The following CLCNKB variants were observed in gnomAD, a reference collection of about 807,000 sequenced individuals.
CLCNKB encodes chloride voltage-gated channel Kb.
Under a neutral mutation model 83.8 loss-of-function variants are expected in CLCNKB, and 74 were observed. The observed-to-expected ratio is 0.88, with a 90% CI of 0.73 to 1.07. The LOEUF (loss-of-function observed/expected upper bound fraction) is 1.07, where lower values mean the gene tolerates loss of function less well. CLCNKB is among the 50% of genes least tolerant of loss of function. The probability of loss-of-function intolerance (pLI) is 0.00; values close to 1 mark genes in which losing one functional copy is unlikely to be tolerated. For synonymous variants in CLCNKB, 358 were observed against 356.6 expected (o/e 1.00, Z -0.04); for missense variants, 798 against 893.6 (o/e 0.89, Z 1.36).
chr1:16,047,606 T>C (rs758418404), intron 4 of CLCNKB, among the ~76,000 whole-genome samples: 1 of 152,008 alleles, frequency 6.6e-6, no homozygotes, highest in Non-Finnish European at 1.5e-5. Flanking sequence ...CTAGACTCCA[T>C]CTCTTTAGAA....
In CLCNKB at chr1:16,056,744, CA is replaced by C. The variant is rs2023455454; in HGVS notation, c.2017-123del. ...CTCGGCCTCAGTGATCCCATCTGTG[CA>C]ATGGGGTGGCACAGGCTCTACTATT... On this transcript the variant is annotated intron_variant, in intron 19 of 19. Coordinates refer to ENST00000375679, the MANE Select transcript of CLCNKB (RefSeq NM_000085.5). 8.2e-6 allele frequency: 8 copies of C among 980,566 alleles called. No homozygotes were observed. The Admixed American group carries it at 1.0e-4, about 12-fold the overall frequency. 60.7% of individuals were successfully genotyped at this position (980,566 alleles called of 1,614,324 possible). A position where few individuals can be genotyped will look rare whatever the true frequency, so the allele number is the denominator to read the frequency against.
Position 16,044,581 on chromosome 1 carries a change from G to C in CLCNKB, c.89G>C (p.Arg30Pro). The C allele has an allele frequency of 6.3e-7, 1 of 1,599,616 alleles. No homozygotes were observed. Among genetic ancestry groups the C allele is most frequent in the South Asian group, 1.1e-5 (1 of 87,832 alleles). ...TGGGGCCCCTGTCCCCGCATCCGCC[G>C]AGGCATCCGAGGTGAGAGCCAGGTC... Reference protein sequence around the residue: ...ELWGPCPRIRRGIRGGLEWLK... With the variant: ...ELWGPCPRIRPGIRGGLEWLK... The change falls in exon 2 of 20, where the codon CGA becomes CCA. Residue 30 changes from arginine to proline, a missense_variant. Physicochemically the swap from Arg to Pro is moderately radical, Grantham distance 103. Coordinates refer to ENST00000375679, the MANE Select transcript of CLCNKB (RefSeq NM_000085.5).
At chr1:16,046,485 C>T (rs763211059) in intron 3 of CLCNKB, 50 bp from the exon 4 acceptor site, 188 of 1,610,772 alleles carry the variant, frequency 1.2e-4, no homozygotes, top group African/African-American at 1.6e-4. Context: ...CGTCTGGCCC[C>T]GAGGGCTGCA....
chr1:16,048,593 T>A lies in CLCNKB; in HGVS notation c.655+11T>A. On this transcript the variant is annotated intron_variant, in intron 7 of 19. Transcript: ENST00000375679. Reference sequence around the variant, plus strand: ...CAGCTCCCTTCAGCGGTGAGACCCCTTCATGCCCCGCCCCCTGGGTCCCTC... The same window carrying A: ...CAGCTCCCTTCAGCGGTGAGACCCCATCATGCCCCGCCCCCTGGGTCCCTC... 1 of 1,613,052 alleles carries A rather than the reference T, an allele frequency of 6.2e-7. No individual in the cohort carries two copies. The highest frequency in any genetic ancestry group is 8.5e-7 in the Non-Finnish European group (1 of 1,179,504).
chr1:16,054,572 G>A (rs1359345560), intron 16 of CLCNKB, among the ~76,000 whole-genome samples: 1 of 152,174 alleles, frequency 6.6e-6, no homozygotes, highest in Non-Finnish European at 1.5e-5. Flanking sequence ...AGGATTGCCA[G>A]ACGTTCTCAC....
intron 18 of CLCNKB, 71 bp from the exon 19 acceptor site, chr1:16,056,351 G>C: frequency 6.8e-7 from 1 of 1,464,450 alleles, no homozygotes; most frequent in Non-Finnish European, 9.6e-7. Context: ...GCTCAGAGGC[G>C]TGGTGGAGTG....
At chr1:16,048,825 A>G (rs2023186779) in intron 7 of CLCNKB, 6 of 1,442,764 alleles carry the variant, frequency 4.2e-6, no homozygotes, top group Non-Finnish European at 5.4e-6. Context: ...TCCACGTATG[A>G]CCCTGGCCCG....
At chr1:16,055,306 A>G (rs543434911) in intron 16 of CLCNKB, 129 bp from the exon 17 acceptor site, 4 of 792,692 alleles carry the variant, frequency 5.0e-6, no homozygotes, top group Non-Finnish European at 8.7e-6. Flanking sequence ...GTCCTTTATA[A>G]TGGGTGACAA....
At position 16,051,833 on chromosome 1, in the gene CLCNKB, G is replaced by A. The variant is rs375029488; in HGVS notation, c.1408+13G>A. ...TATGCTCTGGCAGGTGAGTGGGTCA[G>A]GGGCCTGCTGCGTGGGCAATGTCGT... On this transcript the variant is annotated intron_variant, in intron 14 of 19. Coordinates refer to ENST00000375679, the MANE Select transcript of CLCNKB (RefSeq NM_000085.5). 1.3e-6 allele frequency: 2 copies of A among 1,596,970 alleles called. No homozygotes were observed.
In CLCNKB at chr1:16,052,426, C is replaced by A. The variant is rs765041054; in HGVS notation, c.1622+15C>A. 13 of 1,611,454 alleles carry A rather than the reference C, an allele frequency of 8.1e-6. No individual in the cohort carries two copies. In the South Asian group the frequency reaches 1.3e-4, roughly 16 times the overall value. ...CGCAACATCGGGTGAGTGGTGCCCA[C>A]CTCAGGCTGACTGAAGGGGGTCACA... is the stretch of plus-strand genomic sequence containing the variant. On this transcript the variant is annotated intron_variant, in intron 15 of 19. Coordinates refer to ENST00000375679, the MANE Select transcript of CLCNKB (RefSeq NM_000085.5).
rs1433595236 is a variant in CLCNKB, at chr1:16,048,016, G to C, written c.470G>C (p.Cys157Ser). Residue 157 changes from cysteine (C) to serine (S), a missense_variant, in exon 5 of 20, where the codon TGT (cysteine) becomes TCT (serine). Transcript: ENST00000375679. ...GTGGGCCTCTCCTGCACCCTGGCCT[G>C]TGGCAGCACCCTCTTCCTCGGGAAA... ...KVVGLSCTLA[C>S]GSTLFLGKVG... 1.9e-6 allele frequency: 3 copies of C among 1,614,018 alleles called. No individual in the cohort carries two copies. The highest frequency in any genetic ancestry group is 1.7e-5 in the Admixed American group (1 of 60,010).
rs766911328 is a variant in CLCNKB at position 16,053,714 on chromosome 1, G to A, written c.1698G>A (p.Glu566=). ...TTLAKDMPLE[E]VVKVVTSTDV... Reference sequence around the variant, plus strand: ...TGGCCAAGGACATGCCACTGGAGGAGGTGGTCAAGGTTGTGACCTCCACAG... The same window carrying A: ...TGGCCAAGGACATGCCACTGGAGGAAGTGGTCAAGGTTGTGACCTCCACAG... Residue 566 remains glutamate, a synonymous_variant, in exon 16 of 20, where the codon GAG becomes GAA. Coordinates refer to ENST00000375679, the MANE Select transcript of CLCNKB (RefSeq NM_000085.5). 1.7e-5 allele frequency: 28 copies of A among 1,613,958 alleles called. No individual in the cohort carries two copies. Among genetic ancestry groups the A allele is most frequent in the Middle Eastern group, 1.6e-4 (1 of 6,062 alleles).
intron 19 of CLCNKB, 24 bp downstream of exon 19, chr1:16,056,532 C>G: frequency 1.6e-6 from 2 of 1,274,186 alleles, no homozygotes; most frequent in Non-Finnish European, 1.1e-6. Context: ...GGGGGCAGAG[C>G]AAAGCAGGGA....
intron 11 of CLCNKB, 63 bp from the exon 12 acceptor site, chr1:16,050,812 G>A (rs569936954): frequency 7.0e-5 from 112 of 1,606,102 alleles, no homozygotes; most frequent in African/African-American, 2.3e-4. Flanking sequence ...CAGGCGGTGC[G>A]GGGGAGGCTG....
At chr1:16,053,165 G>T (rs1420688862) in intron 15 of CLCNKB, among the ~76,000 whole-genome samples, 1 of 152,038 alleles carries the variant, frequency 6.6e-6, no homozygotes, top group African/African-American at 2.4e-5. Context: ...AAGTAGCTCA[G>T]ACCAGGCATG....
At position 16,052,277 on chromosome 1, in the gene CLCNKB, G is replaced by A. The variant is rs2023318626; in HGVS notation, c.1488G>A (p.Val496=). 6.2e-7 allele frequency: 1 copy of A among 1,613,354 alleles called. No homozygotes were observed. The highest frequency in any genetic ancestry group is 8.5e-7 in the Non-Finnish European group (1 of 1,180,038). Reference sequence around the variant, plus strand: ...CCTTCGAGGTGACCGGCCAGATAGTGCATGCACTGCCCGTGCTGATGGCGG... The same window carrying A: ...CCTTCGAGGTGACCGGCCAGATAGTACATGCACTGCCCGTGCTGATGGCGG... ...LLAFEVTGQI[V]HALPVLMAVL... The change falls in exon 15 of 20, where the codon GTG becomes GTA. Residue 496 remains valine, a synonymous_variant. Coordinates refer to ENST00000375679, the MANE Select transcript of CLCNKB (RefSeq NM_000085.5).
chr1:16,045,941 C>T (rs1415059279), intron 3 of CLCNKB, among the ~76,000 whole-genome samples: 2 of 152,224 alleles, frequency 1.3e-5, no homozygotes, highest in East Asian at 1.9e-4. Context: ...GAGCTCTCTG[C>T]CTCCTCTTCC....
At chr1:16,053,023 G>A (rs997770007) in intron 15 of CLCNKB, among the ~76,000 whole-genome samples, 2 of 149,074 alleles carry the variant, frequency 1.3e-5, no homozygotes, top group African/African-American at 2.5e-5. Flanking sequence ...TTTTTCCCTG[G>A]GGGAGGCATA....
At chr1:16,053,114 C>G (rs2023343271) in intron 15 of CLCNKB, among the ~76,000 whole-genome samples, 1 of 151,942 alleles carries the variant, frequency 6.6e-6, no homozygotes, top group Admixed American at 6.6e-5. Flanking sequence ...ACTGCAACCT[C>G]AACCTCCCAG....
Sources: gnomAD v4.1 joint callset for allele counts (sites outside exome capture counted in the v4.1 genomes callset) on GRCh38, gnomAD v4.1.1 for gene constraint, MANE v1.5 for transcripts, NCBI Gene and HGNC (gene_info 2026-07-23, HGNC 2026-07-21) for gene names.